C6: variants seen among roughly 807,000 people sequenced by gnomAD.
C6 encodes the protein complement C6.
Under a neutral mutation model 112.9 loss-of-function variants are expected in C6, and 101 were observed. That is an observed-to-expected ratio of 0.89 (90% CI 0.76 to 1.06). C6 has a LOEUF of 1.06. C6 is among the 50% of genes least tolerant of loss of function. The probability of loss-of-function intolerance (pLI) is 0.00; values close to 1 mark genes in which losing one functional copy is unlikely to be tolerated. For missense variants in C6, 1,202 were observed against 1,104.6 expected (o/e 1.09, Z -1.25); for synonymous variants, 431 against 384.1 (o/e 1.12, Z -1.43).
intron 9 of C6, among the ~76,000 whole-genome samples, chr5:41,163,687 A>G (rs1747742594): frequency 6.6e-6 from 1 of 152,186 alleles, no homozygotes; most frequent in South Asian, 2.1e-4. Flanking sequence ...TATGCTATTT[A>G]AAAAACAATT....
chr5:41,155,077 C>T lies in C6; in HGVS notation c.1996G>A (p.Glu666Lys), dbSNP rs1268023223. The change falls in exon 14 of 18, where the codon GAA (glutamate) becomes AAA (lysine). Residue 666 changes from glutamate (E) to lysine (K), a missense_variant. Glu to Lys is a moderately conservative substitution (Grantham distance 56). Transcript: ENST00000337836. ...RNEKQLYLVG[E>K]DVEISCLTGF... ...GTAAGGCATGAAATTTCAACATCTTCTCCAACCAAGTATAGTTGCTTTTCA... is the reference window on the plus strand; with the variant it reads ...GTAAGGCATGAAATTTCAACATCTTTTCCAACCAAGTATAGTTGCTTTTCA... 1 of 1,613,664 alleles carries T rather than the reference C, an allele frequency of 6.2e-7. No individual in the cohort carries two copies. The highest frequency in any genetic ancestry group is 8.5e-7 in the Non-Finnish European group (1 of 1,179,670).
chr5:41,207,653 G>A (rs1004932773), intron 1 of C6, among the ~76,000 whole-genome samples: 1 of 152,128 alleles, frequency 6.6e-6, no homozygotes, highest in African/African-American at 2.4e-5. Context: ...AATGGTAAAG[G>A]GATGAATTCA....
Position 41,203,087 on chromosome 5 carries a change from C to T in C6, c.143+1G>A. The T allele has an allele frequency of 6.2e-7, 1 of 1,613,976 alleles. No homozygotes were observed. Among genetic ancestry groups the T allele is most frequent in the Non-Finnish European group, 8.5e-7 (1 of 1,179,920 alleles). On this transcript the variant is annotated splice_donor_variant, in intron 2 of 17. Transcript: ENST00000337836. LOFTEE classifies it high-confidence loss of function. Reference sequence around the variant, plus strand: ...AGAAAAGCCACAAAGCTCACACCCACCTGTGTCTGCTCTGGGTTCCAGAAT... The same window carrying T: ...AGAAAAGCCACAAAGCTCACACCCATCTGTGTCTGCTCTGGGTTCCAGAAT...
At chr5:41,190,118 T>G (rs1316793959) in intron 5 of C6, among the ~76,000 whole-genome samples, 1 of 152,194 alleles carries the variant, frequency 6.6e-6, no homozygotes. Flanking sequence ...TTGCTTTGGA[T>G]GTATGCTCAG....
At chr5:41,209,172 A>C (rs530781843) in intron 1 of C6, among the ~76,000 whole-genome samples, 3 of 152,168 alleles carry the variant, frequency 2.0e-5, no homozygotes, top group African/African-American at 4.8e-5. Context: ...ATTCAACAGC[A>C]CTTCATGCTA....
chr5:41,216,819 G>A (rs764541047), upstream of C6, among the ~76,000 whole-genome samples: 5 of 151,964 alleles, frequency 3.3e-5, no homozygotes, highest in Non-Finnish European at 5.9e-5. Context: ...AATCTACTCT[G>A]CAAGGATACT....
At position 41,160,314 on chromosome 5, in the gene C6, C is replaced by G; in HGVS notation, c.1512G>C (p.Arg504=). 1.2e-6 allele frequency: 2 copies of G among 1,613,780 alleles called. No individual in the cohort carries two copies. Among genetic ancestry groups the G allele is most frequent in the Non-Finnish European group, 1.7e-6 (2 of 1,179,822 alleles). ...CTTGCAAAGCTTTCCTGAGGTTGTT[C>G]CGTTTTGTCACTGCACAGGGGATGT... ...VRNIPCAVTK[R]NNLRKALQEY... is the part of the protein sequence containing the mutation. Residue 504 remains arginine, a synonymous_variant, in exon 11 of 18, where the codon CGG becomes CGC. Coordinates refer to ENST00000337836, the MANE Select transcript of C6 (RefSeq NM_000065.5).
rs1580120210 is a variant in C6, at chr5:41,177,588, C to G, written c.928-873G>C. Reference sequence around the variant, plus strand: ...TAAGGACCATGTTTTAGCAAAATAACTGTATTATAACTGTTAATTATTAAC... The same window carrying G: ...TAAGGACCATGTTTTAGCAAAATAAGTGTATTATAACTGTTAATTATTAAC... On this transcript the variant is annotated intron_variant, in intron 7 of 17. Transcript: ENST00000337836. 4.6e-5 allele frequency among the ~76,000 whole-genome samples: 7 copies of G among 151,912 alleles called. 1 individual carries two copies. The Middle Eastern group carries it at 0.024, about 517-fold the overall frequency.
At chr5:41,161,606 A>G in intron 10 of C6, 87 bp downstream of exon 10, 6 of 1,087,404 alleles carry the variant, frequency 5.5e-6, no homozygotes, top group Non-Finnish European at 8.5e-6. Context: ...GTCTGAGAAG[A>G]AAATGGAAAA....
chr5:41,227,846 G>A (rs1561190729), intron 1 of C6, among the ~76,000 whole-genome samples: 1 of 152,050 alleles, frequency 6.6e-6, no homozygotes, highest in East Asian at 1.9e-4. Flanking sequence ...TTTTATGCTT[G>A]TGCCATTCTG....
intron 1 of C6, among the ~76,000 whole-genome samples, chr5:41,244,749 C>T (rs1331597978): frequency 6.6e-6 from 1 of 151,960 alleles, no homozygotes; most frequent in Admixed American, 6.6e-5. Flanking sequence ...TTCTCTTCTA[C>T]ATAATAAACT....
In C6 at chr5:41,233,112, T is replaced by C. The variant is rs906216617; in HGVS notation, c.-21+28082A>G. Among the ~76,000 whole-genome samples, 9 of 152,234 alleles carry C rather than the reference T, an allele frequency of 5.9e-5. 1 individual carries two copies. Among genetic ancestry groups the C allele is most frequent in the African/African-American group, 2.2e-4 (9 of 41,576 alleles). On this transcript the variant is annotated intron_variant, in intron 1 of 17. Coordinates refer to the C6 transcript ENST00000263413. The stretch of plus-strand genomic sequence containing the variant: ...TTAATTTGACAACATATTATAAACA[T>C]TTATTCATATAAAGTTTTGTTTCTA...
At chr5:41,239,028 C>A (rs956183539) in intron 1 of C6, among the ~76,000 whole-genome samples, 26 of 151,390 alleles carry the variant, frequency 1.7e-4, no homozygotes, top group African/African-American at 5.8e-4. Context: ...CATTTTGTTA[C>A]ATGCATAGAA....
At chr5:41,232,993 G>A (rs571966004) in intron 1 of C6, among the ~76,000 whole-genome samples, 3 of 151,870 alleles carry the variant, frequency 2.0e-5, no homozygotes, top group South Asian at 4.2e-4. Flanking sequence ...TGCTGCACTA[G>A]CATTATTTCT....
At chr5:41,166,075 A>AT (rs1561117945) in intron 9 of C6, among the ~76,000 whole-genome samples, 2 of 152,140 alleles carry the variant, frequency 1.3e-5, no homozygotes, top group Non-Finnish European at 2.9e-5. Flanking sequence ...TTAAAAAACT[A>AT]CAATGTTCTT....
chr5:41,208,971 A>G (rs1055670108), intron 1 of C6, among the ~76,000 whole-genome samples: 5 of 152,200 alleles, frequency 3.3e-5, no homozygotes, highest in African/African-American at 1.2e-4. Context: ...AAAAATCCTC[A>G]ATAAAATACT....
intron 1 of C6, among the ~76,000 whole-genome samples, chr5:41,221,504 A>G (rs1262117722): frequency 6.6e-6 from 1 of 152,186 alleles, no homozygotes; most frequent in Non-Finnish European, 1.5e-5. Flanking sequence ...GGGAATATAC[A>G]TAAAATGTAT....
chr5:41,167,241 A>C (rs1279229010), intron 9 of C6, among the ~76,000 whole-genome samples: 2 of 152,076 alleles, frequency 1.3e-5, no homozygotes, highest in Non-Finnish European at 2.9e-5. Flanking sequence ...TAGGGTTTTT[A>C]ATGTCAAGGG....
At chr5:41,224,920 C>CT (rs1233662997) in intron 1 of C6, among the ~76,000 whole-genome samples, 4 of 152,036 alleles carry the variant, frequency 2.6e-5, no homozygotes, top group African/African-American at 7.2e-5. Flanking sequence ...TTGTTATTTT[C>CT]TTTTTTTTCT....
Sources: allele counts gnomAD v4.1 joint callset (sites outside exome capture counted in the v4.1 genomes callset), GRCh38; gene constraint gnomAD v4.1.1; transcripts MANE v1.5; gene names NCBI Gene and HGNC (gene_info 2026-07-23, HGNC 2026-07-21).